The following NRG3 variants were observed in gnomAD, a reference collection of about 807,000 sequenced individuals.
NRG3 encodes pro-neuregulin-3, membrane-bound isoform.
Under a neutral mutation model 66.9 loss-of-function variants are expected in NRG3, and 31 were observed. That is an observed-to-expected ratio of 0.46 (90% CI 0.35 to 0.63). The LOEUF is 0.63. NRG3 is among the 20% of genes least tolerant of loss of function. NRG3 has a pLI of 0.00. For missense variants in NRG3, 910 were observed against 878.9 expected (o/e 1.04, Z -0.45); for synonymous variants, 393 against 359.4 (o/e 1.09, Z -1.06).
At chr10:82,953,249 G>T (rs1349792152) in intron 5 of NRG3, among the ~76,000 whole-genome samples, 1 of 151,954 alleles carries the variant, frequency 6.6e-6, no homozygotes. Flanking sequence ...AATCAGAGTT[G>T]TGCATTATTA....
chr10:81,973,801 A>G (rs188112270), intron 1 of NRG3, among the ~76,000 whole-genome samples: 5 of 152,202 alleles, frequency 3.3e-5, no homozygotes, highest in Non-Finnish European at 2.9e-5. Context: ...CAGATGCTAG[A>G]TATTAGACCT....
intron 1 of NRG3, among the ~76,000 whole-genome samples, chr10:81,944,549 G>C (rs1848674241): frequency 6.6e-6 from 1 of 152,260 alleles, no homozygotes; most frequent in South Asian, 2.1e-4. Context: ...AAAGATATTG[G>C]TTAGAAATGT....
chr10:82,850,968 T>G (rs1403076070), intron 3 of NRG3, among the ~76,000 whole-genome samples: 1 of 152,098 alleles, frequency 6.6e-6, no homozygotes, highest in Non-Finnish European at 1.5e-5. Context: ...TCCCAGCACT[T>G]TTTTTACAAG....
intron 1 of NRG3, among the ~76,000 whole-genome samples, chr10:82,314,016 A>C (rs969135969): frequency 6.6e-6 from 1 of 152,232 alleles, no homozygotes; most frequent in Non-Finnish European, 1.5e-5. Flanking sequence ...CTAACCAGCT[A>C]TATAGCCTTG....
At chr10:82,683,713 A>G (rs1312706102) in intron 2 of NRG3, among the ~76,000 whole-genome samples, 2 of 152,216 alleles carry the variant, frequency 1.3e-5, no homozygotes, top group African/African-American at 4.8e-5. Context: ...TTACTAGCCC[A>G]TCCTGTTGAA....
intron 1 of NRG3, among the ~76,000 whole-genome samples, chr10:82,028,502 C>A (rs1480925320): frequency 6.6e-6 from 1 of 152,052 alleles, no homozygotes; most frequent in Non-Finnish European, 1.5e-5. Flanking sequence ...ATGATCCTCA[C>A]ATATGAGGTA....
chr10:81,929,327 A>G (rs1234886611), intron 1 of NRG3, among the ~76,000 whole-genome samples: 1 of 152,184 alleles, frequency 6.6e-6, no homozygotes, highest in East Asian at 1.9e-4. Context: ...TTCCTCTCAA[A>G]TGGACCTTGA....
intron 2 of NRG3, among the ~76,000 whole-genome samples, chr10:82,520,910 T>G (rs984518290): frequency 6.6e-6 from 1 of 152,204 alleles, no homozygotes; most frequent in Non-Finnish European, 1.5e-5. Flanking sequence ...TCTAAACCCC[T>G]CTTATCTATT....
intron 3 of NRG3, among the ~76,000 whole-genome samples, chr10:82,774,862 T>C: frequency 6.8e-6 from 1 of 146,404 alleles, no homozygotes; most frequent in African/African-American, 2.6e-5. Context: ...TCTTACTCTG[T>C]CGTCCAGGCT....
At chr10:82,543,793 C>T (rs916304225) in intron 2 of NRG3, among the ~76,000 whole-genome samples, 1 of 152,160 alleles carries the variant, frequency 6.6e-6, no homozygotes, top group Non-Finnish European at 1.5e-5. Flanking sequence ...CATCAGGGCT[C>T]AGAATTCAGT....
chr10:81,981,103 C>T (rs968595214), intron 1 of NRG3, among the ~76,000 whole-genome samples: 2 of 152,162 alleles, frequency 1.3e-5, no homozygotes, highest in African/African-American at 2.4e-5. Context: ...AATACATTCA[C>T]CCTAATCCCA....
intron 1 of NRG3, among the ~76,000 whole-genome samples, chr10:82,082,992 T>A (rs1455949844): frequency 1.3e-5 from 2 of 151,626 alleles, no homozygotes; most frequent in African/African-American, 4.8e-5. Context: ...CAGGCTAGGG[T>A]GCAGTGGTAC....
At chr10:82,963,551 A>G (rs1352136606) in intron 6 of NRG3, among the ~76,000 whole-genome samples, 1 of 152,076 alleles carries the variant, frequency 6.6e-6, no homozygotes, top group Non-Finnish European at 1.5e-5. Context: ...GCGGTGGCTG[A>G]CGCCTGTAGT....
intron 1 of NRG3, among the ~76,000 whole-genome samples, chr10:82,243,777 T>G (rs987840300): frequency 7.9e-5 from 12 of 152,210 alleles, no homozygotes; most frequent in African/African-American, 2.7e-4. Flanking sequence ...TGGAGGAAAC[T>G]GCTAACTGAG....
chr10:82,909,008 C>T (rs1010292397), intron 4 of NRG3, among the ~76,000 whole-genome samples: 3 of 146,222 alleles, frequency 2.1e-5, no homozygotes, highest in Non-Finnish European at 1.5e-5. Context: ...CTGTAGCTCC[C>T]GTGGACCCCA....
rs571538774 is a variant in NRG3, at chr10:82,723,982, A to G, written c.954-14595A>G. Reference sequence around the variant, plus strand: ...GCGACAGAGCGAGACTCCATCTCAAAAAAAAGTAAATAAATAAAAAAAATT... The same window carrying G: ...GCGACAGAGCGAGACTCCATCTCAAGAAAAAGTAAATAAATAAAAAAAATT... On this transcript the variant is annotated intron_variant, in intron 2 of 8. Transcript: ENST00000372141. 2.3e-3 allele frequency among the ~76,000 whole-genome samples: 347 copies of G among 152,060 alleles called. 2 individuals carry two copies. Among genetic ancestry groups the G allele is most frequent in the Non-Finnish European group, 4.0e-3 (272 of 68,016 alleles).
At chr10:82,546,777 C>T (rs955873003) in intron 2 of NRG3, among the ~76,000 whole-genome samples, 3 of 152,090 alleles carry the variant, frequency 2.0e-5, no homozygotes, top group Non-Finnish European at 4.4e-5. Context: ...TTACATTCCA[C>T]AAAACAACAT....
intron 2 of NRG3, among the ~76,000 whole-genome samples, chr10:82,402,143 CTT>C (rs1258228570): frequency 6.6e-6 from 1 of 151,888 alleles, no homozygotes; most frequent in Non-Finnish European, 1.5e-5. Flanking sequence ...TATTTAGCCT[CTT>C]ATGTTATCAT....
intron 2 of NRG3, among the ~76,000 whole-genome samples, chr10:82,434,116 C>G (rs187000591): frequency 2.6e-3 from 387 of 151,678 alleles, no homozygotes; most frequent in African/African-American, 8.9e-3. Flanking sequence ...TGTGTCCTCT[C>G]ATTTCCTTGA....
Sources: gnomAD v4.1 joint callset for allele counts (sites outside exome capture counted in the v4.1 genomes callset) on GRCh38, gnomAD v4.1.1 for gene constraint, MANE v1.5 for transcripts, NCBI Gene and HGNC (gene_info 2026-07-23, HGNC 2026-07-21) for gene names.